Variants in CSMD1 observed in about 807,000 individuals in gnomAD.
The protein encoded by CSMD1 is CUB and sushi domain-containing protein 1.
CSMD1 carries 213 observed loss-of-function variants against 417.5 expected under a neutral mutation model. The observed-to-expected ratio is 0.51, with a 90% CI of 0.46 to 0.57. The LOEUF is 0.57. Ranked by LOEUF, CSMD1 falls within the 20% of genes least tolerant of loss-of-function variation. The pLI is 0.00. For missense variants in CSMD1, 6,923 were observed against 4,529.7 expected, an observed-to-expected ratio of 1.53 and a Z score of -15.17; for synonymous variants, 2,862 against 1,736.8, an observed-to-expected ratio of 1.65 and a Z score of -16.11.
chr8:4,011,572 C>G (rs1563316325), intron 4 of CSMD1, among the ~76,000 whole-genome samples: 1 of 152,148 alleles, frequency 6.6e-6, no homozygotes, highest in Non-Finnish European at 1.5e-5. Context: ...ATCCAAGAGT[C>G]AGTTCCTAGG....
intron 12 of CSMD1, among the ~76,000 whole-genome samples, chr8:3,433,545 G>A (rs17066112): frequency 0.1 from 15,765 of 151,958 alleles, 911 homozygotes; most frequent in Middle Eastern, 0.14. Flanking sequence ...TGGTTCTTTC[G>A]GACAGTCTAA....
intron 12 of CSMD1, among the ~76,000 whole-genome samples, chr8:3,429,774 C>T (rs1814099297): frequency 1.3e-5 from 2 of 151,974 alleles, no homozygotes; most frequent in African/African-American, 2.4e-5. Flanking sequence ...TTGTTGTTTT[C>T]TATGGTTTGT....
chr8:4,271,484 T>C (rs1000809580), intron 3 of CSMD1, among the ~76,000 whole-genome samples: 4 of 151,682 alleles, frequency 2.6e-5, no homozygotes, highest in African/African-American at 7.3e-5. Context: ...ACATTTTTCA[T>C]AGAGAAAAAA....
At chr8:3,507,478 T>C (rs1369356593) in intron 10 of CSMD1, among the ~76,000 whole-genome samples, 6 of 152,196 alleles carry the variant, frequency 3.9e-5, no homozygotes, top group Non-Finnish European at 8.8e-5. Context: ...TGTGCATGTG[T>C]CTTTATAGCA....
At chr8:4,267,463 G>A (rs1804289609) in intron 3 of CSMD1, among the ~76,000 whole-genome samples, 1 of 150,994 alleles carries the variant, frequency 6.6e-6, no homozygotes, top group Admixed American at 6.6e-5. Context: ...AATATATAAT[G>A]AATATAAATG....
intron 52 of CSMD1, among the ~76,000 whole-genome samples, chr8:3,007,896 AT>A (rs755570724): frequency 3.7e-4 from 57 of 152,082 alleles, no homozygotes; most frequent in Non-Finnish European, 6.8e-4. Context: ...CAATGTGCAC[AT>A]GTACCCTAAA....
chr8:3,206,342 T>G (rs1487737916), intron 30 of CSMD1, among the ~76,000 whole-genome samples: 7 of 130,466 alleles, frequency 5.4e-5, no homozygotes, highest in Admixed American at 1.6e-4. Context: ...TATGTGTGTT[T>G]GGGGTGTGTG....
chr8:3,733,877 T>A (rs1328545888), intron 6 of CSMD1, among the ~76,000 whole-genome samples: 1 of 152,172 alleles, frequency 6.6e-6, no homozygotes, highest in Non-Finnish European at 1.5e-5. Context: ...AACTTTATCA[T>A]GGGTACAAAG....
intron 7 of CSMD1, among the ~76,000 whole-genome samples, chr8:3,633,969 G>A (rs1796909950): frequency 6.6e-6 from 1 of 150,744 alleles, no homozygotes; most frequent in Admixed American, 6.7e-5. Context: ...TATGAAACAT[G>A]AAGATGAATA....
intron 5 of CSMD1, among the ~76,000 whole-genome samples, chr8:3,826,858 C>T (rs1398635368): frequency 6.6e-6 from 1 of 152,082 alleles, no homozygotes; most frequent in Admixed American, 6.6e-5. Flanking sequence ...GTGATCATAG[C>T]TCACTGCAGC....
intron 5 of CSMD1, among the ~76,000 whole-genome samples, chr8:3,884,239 C>A (rs1312551339): frequency 6.6e-6 from 1 of 152,182 alleles, no homozygotes; most frequent in East Asian, 1.9e-4. Flanking sequence ...CTTTGATACG[C>A]CTCTAATGGC....
intron 3 of CSMD1, among the ~76,000 whole-genome samples, chr8:4,056,807 T>C (rs78611838): frequency 0.12 from 17,667 of 152,158 alleles, 1,550 homozygotes; most frequent in East Asian, 0.35. Flanking sequence ...GTCCTTGTGA[T>C]AGTTTACTGA....
intron 2 of CSMD1, among the ~76,000 whole-genome samples, chr8:4,614,396 A>G (rs987436282): frequency 6.6e-6 from 1 of 152,198 alleles, no homozygotes; most frequent in Admixed American, 6.5e-5. Flanking sequence ...AAAACAGTCC[A>G]GATATTAAGG....
At chr8:4,102,420 G>C (rs922272722) in intron 3 of CSMD1, among the ~76,000 whole-genome samples, 1 of 152,168 alleles carries the variant, frequency 6.6e-6, no homozygotes, top group African/African-American at 2.4e-5. Flanking sequence ...TATTCTCCCT[G>C]ATTCTGTCAT....
chr8:4,466,229 C>T (rs115519939), intron 2 of CSMD1, among the ~76,000 whole-genome samples: 2 of 152,004 alleles, frequency 1.3e-5, no homozygotes, highest in African/African-American at 2.4e-5. Flanking sequence ...GGGATCTCTC[C>T]TGGCTATCCT....
intron 26 of CSMD1, among the ~76,000 whole-genome samples, chr8:3,250,228 G>T (rs1459779454): frequency 6.6e-6 from 1 of 152,000 alleles, no homozygotes; most frequent in Admixed American, 6.6e-5. Flanking sequence ...CCCACAACAG[G>T]CCCCAGTGTG....
intron 3 of CSMD1, among the ~76,000 whole-genome samples, chr8:4,198,950 C>G (rs1441273492): frequency 7.5e-6 from 1 of 133,534 alleles, no homozygotes; most frequent in Non-Finnish European, 1.6e-5. Context: ...GTGTATTTAT[C>G]TTTTTTTAAG....
chr8:3,429,177 A>T (rs1227349632), intron 12 of CSMD1, among the ~76,000 whole-genome samples: 1 of 152,172 alleles, frequency 6.6e-6, no homozygotes, highest in Admixed American at 6.5e-5. Context: ...TAGCTAGAAG[A>T]GAGGATTTTC....
intron 11 of CSMD1, among the ~76,000 whole-genome samples, chr8:3,486,534 T>C (rs965201351): frequency 1.3e-5 from 2 of 152,218 alleles, no homozygotes; most frequent in Admixed American, 1.3e-4. Flanking sequence ...TTTTGGCTCC[T>C]CAGAGAAAAT....
Sources: gnomAD v4.1 joint callset for allele counts (sites outside exome capture counted in the v4.1 genomes callset) on GRCh38, gnomAD v4.1.1 for gene constraint, MANE v1.5 for transcripts, NCBI Gene and HGNC (gene_info 2026-07-23, HGNC 2026-07-21) for gene names.